The following DNAJC5 variants were observed in gnomAD, a reference collection of about 807,000 sequenced individuals.
The protein encoded by DNAJC5 is DnaJ heat shock protein family (Hsp40) member C5, also known as dnaJ homolog subfamily C member 5.
In DNAJC5, 1 loss-of-function variant was observed where a neutral mutation model predicts 23.2. The observed-to-expected ratio is 0.04, with a 90% CI of 0.02 to 0.20. DNAJC5 has a LOEUF of 0.20. DNAJC5 is among the 10% of genes least tolerant of loss of function. DNAJC5 has a pLI of 1.00. For synonymous variants in DNAJC5, 136 were observed against 120.0 expected, an observed-to-expected ratio of 1.13 and a Z score of -0.87; for missense variants, 180 against 267.0, an observed-to-expected ratio of 0.67 and a Z score of 2.27.
At chr20:63,896,879 G>A (rs1183021953) in intron 1 of DNAJC5, among the ~76,000 whole-genome samples, 2 of 152,172 alleles carry the variant, frequency 1.3e-5, no homozygotes, top group African/African-American at 2.4e-5. Context: ...GCTGTGCGTG[G>A]TGCTGGCCTT....
intron 1 of DNAJC5, among the ~76,000 whole-genome samples, chr20:63,912,489 G>A (rs1024880994): frequency 6.6e-6 from 1 of 151,986 alleles, no homozygotes; most frequent in Non-Finnish European, 1.5e-5. Context: ...CATTCAAACT[G>A]TGGGGCTTTT....
At chr20:63,898,318 G>C (rs1041435119) in intron 1 of DNAJC5, among the ~76,000 whole-genome samples, 14 of 152,214 alleles carry the variant, frequency 9.2e-5, no homozygotes, top group African/African-American at 3.4e-4. Flanking sequence ...GTTTGCTTCT[G>C]AAATCAGGCA....
chr20:63,929,563 ACTCCTGCCGTGCGGGCACCCGAGTCT>A lies in DNAJC5; in HGVS notation c.321+64_321+89del, dbSNP rs1568989443. On this transcript the variant is annotated intron_variant, in intron 3 of 4. Transcript: ENST00000360864. The surrounding 1 kb of genome is among the most constrained non-coding windows in gnomAD (Gnocchi z 8.6). ...TGCCTGCCGTGCGGGCACCCGAGTC[ACTCCTGCCGTGCGGGCACCCGAGTCT>A]CTCCTGCCGTGCGGGCACCCGAGTC... is the stretch of plus-strand genomic sequence containing the variant. 1.5e-5 allele frequency: 24 copies of A among 1,593,026 alleles called. No homozygotes were observed. The highest frequency in any genetic ancestry group is 6.6e-5 in the South Asian group (6 of 90,288).
At chr20:63,923,694 C>T (rs138086947) in intron 1 of DNAJC5, among the ~76,000 whole-genome samples, 2 of 152,322 alleles carry the variant, frequency 1.3e-5, no homozygotes, top group East Asian at 3.9e-4. Context: ...CACTGCACTC[C>T]AGCCCGGGCA....
At chr20:63,923,001 C>T (rs1415866072) in intron 1 of DNAJC5, among the ~76,000 whole-genome samples, 3 of 151,876 alleles carry the variant, frequency 2.0e-5, no homozygotes, top group African/African-American at 7.3e-5. Flanking sequence ...ATTAGCCAGG[C>T]GTGGTGGTAC....
chr20:63,928,496 A>ACGGGG lies in DNAJC5; in HGVS notation c.107+45_107+46insGGGGC. ...CCCCCACATCCCCCCAGGAAGACAC[A>ACGGGG]CATGCCCCGTGTGGTTTAGTCTGCA... On this transcript the variant is annotated intron_variant, in intron 2 of 4. Coordinates refer to ENST00000360864, the MANE Select transcript of DNAJC5 (RefSeq NM_025219.3). The surrounding 1 kb of genome is among the most constrained non-coding windows in gnomAD (Gnocchi z 4.6). 6.6e-7 allele frequency: 1 copy of ACGGGG among 1,510,090 alleles called. No homozygotes were observed. Among genetic ancestry groups the ACGGGG allele is most frequent in the Non-Finnish European group, 9.2e-7 (1 of 1,085,848 alleles). The allele number at this position is 1,510,090 out of a possible 1,614,324, so 93.5% of individuals were successfully genotyped here. A position where few individuals can be genotyped will look rare whatever the true frequency, so the allele number is the denominator to read the frequency against.
At position 63,928,911 on chromosome 20, in the gene DNAJC5, GTCC is replaced by G. The variant is rs1280963332; in HGVS notation, c.108-395_108-393del. 6.6e-6 allele frequency among the ~76,000 whole-genome samples: 1 copy of G among 152,212 alleles called. No homozygotes were observed. Among genetic ancestry groups the G allele is most frequent in the African/African-American group, 2.4e-5 (1 of 41,442 alleles). On this transcript the variant is annotated intron_variant, in intron 2 of 4. Transcript: ENST00000360864. This position sits in a 1 kb window ranked among gnomAD's most constrained non-coding sequence, Gnocchi z 4.6. ...ATCACTAATCCAGACAATTCAGATA[GTCC>G]TCCTCTCGTGTGCTAGCATCGTGTA... is the stretch of plus-strand genomic sequence containing the variant.
At chr20:63,908,954 C>T (rs2146278604) in intron 1 of DNAJC5, 1 of 151,074 alleles carries the variant, frequency 6.6e-6, no homozygotes, top group East Asian at 2.0e-4. Flanking sequence ...ATACAAAAAT[C>T]ATACTTACCC....
rs576845383 is a variant in DNAJC5 at position 63,920,170 on chromosome 20, G to C, written c.-11-8165G>C. 6.6e-6 allele frequency among the ~76,000 whole-genome samples: 1 copy of C among 152,232 alleles called. No individual in the cohort carries two copies. Among genetic ancestry groups the C allele is most frequent in the African/African-American group, 2.4e-5 (1 of 41,458 alleles). On this transcript the variant is annotated intron_variant, in intron 1 of 4. Coordinates refer to ENST00000360864, the MANE Select transcript of DNAJC5 (RefSeq NM_025219.3). The surrounding 1 kb of genome is among the most constrained non-coding windows in gnomAD (Gnocchi z 4.6). The stretch of plus-strand genomic sequence containing the variant: ...CAGCGCCACGGAAGAGGACGCACCC[G>C]GCTGTGTGGCAGGGGAGGTTCCCAA...
At chr20:63,924,688 A>C (rs905505437) in intron 1 of DNAJC5, among the ~76,000 whole-genome samples, 17 of 152,242 alleles carry the variant, frequency 1.1e-4, no homozygotes, top group Non-Finnish European at 8.8e-5. Flanking sequence ...CCTGTCTCTA[A>C]AAATACAAAA....
chr20:63,897,209 ACATGGTGAAACCC>A lies in DNAJC5; in HGVS notation c.-12+1890_-12+1902del, dbSNP rs2053381273. 3.3e-5 allele frequency among the ~76,000 whole-genome samples: 5 copies of A among 152,276 alleles called. No homozygotes were observed. In the South Asian group the frequency reaches 1.0e-3, roughly 32 times the overall value. ...CAGGAGTTCGAGACTAGCCTGGCCA[ACATGGTGAAACCC>A]CATCTCTACTAAAAATACAAAATTA... is the stretch of plus-strand genomic sequence containing the variant. On this transcript the variant is annotated intron_variant, in intron 1 of 4. Transcript: ENST00000360864.
rs1484823430 is a variant in DNAJC5, at chr20:63,928,502, C to T, written c.107+50C>T. The T allele has an allele frequency of 1.3e-6, 2 of 1,483,272 alleles. No homozygotes were observed. Among genetic ancestry groups the T allele is most frequent in the East Asian group, 2.3e-5 (1 of 44,244 alleles). The allele number at this position is 1,483,272 out of a possible 1,614,324, so 91.9% of individuals were successfully genotyped here. A position where few individuals can be genotyped will look rare whatever the true frequency, so the allele number is the denominator to read the frequency against. On this transcript the variant is annotated intron_variant, in intron 2 of 4. Transcript: ENST00000360864. This position sits in a 1 kb window ranked among gnomAD's most constrained non-coding sequence, Gnocchi z 4.6. ...CATCCCCCCAGGAAGACACACATGCCCCGTGTGGTTTAGTCTGCATTTTAC... is the reference window on the plus strand; with the variant it reads ...CATCCCCCCAGGAAGACACACATGCTCCGTGTGGTTTAGTCTGCATTTTAC...
intron 1 of DNAJC5, among the ~76,000 whole-genome samples, chr20:63,912,843 G>A (rs759640070): frequency 2.6e-5 from 4 of 152,122 alleles, no homozygotes; most frequent in Admixed American, 6.5e-5. Flanking sequence ...TCCTGACCTC[G>A]TGATCTGGCC....
Position 63,929,224 on chromosome 20 carries a change from G to A in DNAJC5, c.108-88G>A, listed in dbSNP as rs1027674690. On this transcript the variant is annotated intron_variant, in intron 2 of 4. Coordinates refer to ENST00000360864, the MANE Select transcript of DNAJC5 (RefSeq NM_025219.3). This position sits in a 1 kb window ranked among gnomAD's most constrained non-coding sequence, Gnocchi z 8.6. Reference sequence around the variant, plus strand: ...GGTGGACCTGCCTTCCACTGCACCCGGCAGTGCGTGCGGGTGGGATGGACG... The same window carrying A: ...GGTGGACCTGCCTTCCACTGCACCCAGCAGTGCGTGCGGGTGGGATGGACG... 1.9e-5 allele frequency: 28 copies of A among 1,475,966 alleles called. No individual in the cohort carries two copies. Among genetic ancestry groups the A allele is most frequent in the South Asian group, 1.4e-4 (12 of 83,046 alleles). The allele number at this position is 1,475,966 out of a possible 1,614,324, so 91.4% of individuals were successfully genotyped here. A position where few individuals can be genotyped will look rare whatever the true frequency, so the allele number is the denominator to read the frequency against.
chr20:63,925,208 G>A (rs560795638), intron 1 of DNAJC5, among the ~76,000 whole-genome samples: 30 of 152,242 alleles, frequency 2.0e-4, no homozygotes, highest in Non-Finnish European at 3.8e-4. Flanking sequence ...ATAAGAGGCC[G>A]GGCACGGTGG....
chr20:63,906,458 C>T (rs756866683), intron 1 of DNAJC5, among the ~76,000 whole-genome samples: 1 of 152,046 alleles, frequency 6.6e-6, no homozygotes, highest in African/African-American at 2.4e-5. Flanking sequence ...CCACTGCACT[C>T]CAGCTTGAGC....
chr20:63,924,391 C>A (rs560879310), intron 1 of DNAJC5, among the ~76,000 whole-genome samples: 1 of 152,190 alleles, frequency 6.6e-6, no homozygotes, highest in Admixed American at 6.5e-5. Context: ...CTTGTTATTT[C>A]TTTTTCTTTT....
At position 63,924,680 on chromosome 20, in the gene DNAJC5, T is replaced by C. The variant is rs1044102294; in HGVS notation, c.-11-3655T>C. 4.6e-5 allele frequency among the ~76,000 whole-genome samples: 7 copies of C among 152,266 alleles called. 1 individual carries two copies. In the South Asian group the frequency reaches 1.4e-3, roughly 31 times the overall value. On this transcript the variant is annotated intron_variant, in intron 1 of 4. Coordinates refer to ENST00000360864, the MANE Select transcript of DNAJC5 (RefSeq NM_025219.3). ...CAGCCTGGACAACATGGCAAAACCC[T>C]GTCTCTAAAAATACAAAAATTAGCT... is the stretch of plus-strand genomic sequence containing the variant.
Position 63,931,273 on chromosome 20 carries a change from G to GGGGC in DNAJC5, c.494-188_494-185dup. The GGGGC allele has an allele frequency of 1.3e-6, 1 of 785,408 alleles. No homozygotes were observed. The highest frequency in any genetic ancestry group is 2.1e-6 in the Non-Finnish European group (1 of 466,790). The allele number at this position is 785,408 out of a possible 1,614,324, so 48.7% of individuals were successfully genotyped here. A position where few individuals can be genotyped will look rare whatever the true frequency, so the allele number is the denominator to read the frequency against. On this transcript the variant is annotated intron_variant, in intron 4 of 4. Transcript: ENST00000360864. The surrounding 1 kb of genome is among the most constrained non-coding windows in gnomAD (Gnocchi z 9.6). ...AGGCGGGGCAGGGCGGCAGGCAGTT[G>GGGGC]GGGCGGGGCTGAGGGCCGAGGGCTG...
Sources: gnomAD v4.1 joint callset for allele counts (sites outside exome capture counted in the v4.1 genomes callset) on GRCh38, gnomAD v4.1.1 for gene constraint, Gnocchi (gnomAD v3.1) non-coding constraint, MANE v1.5 for transcripts, NCBI Gene and HGNC (gene_info 2026-07-23, HGNC 2026-07-21) for gene names.